ARHGEF10L: variants seen among roughly 807,000 people sequenced by gnomAD.
The protein encoded by ARHGEF10L is Rho guanine nucleotide exchange factor 10 like.
A neutral mutation model predicts 141.2 loss-of-function variants in ARHGEF10L; 69 were observed. The ratio of observed to expected loss-of-function variants is 0.49; its 90% CI spans 0.40 to 0.60. ARHGEF10L has a LOEUF of 0.60. Among genes scored for constraint, ARHGEF10L ranks in the 20% least tolerant of loss-of-function variants. ARHGEF10L has a pLI of 0.00. For synonymous variants in ARHGEF10L, 711 were observed against 718.5 expected, an observed-to-expected ratio of 0.99 and a Z score of 0.17; for missense variants, 1,482 against 1,734.3, an observed-to-expected ratio of 0.85 and a Z score of 2.58.
intron 1 of ARHGEF10L, among the ~76,000 whole-genome samples, chr1:17,544,109 C>T (rs1040411563): frequency 6.6e-6 from 1 of 150,634 alleles, no homozygotes. Flanking sequence ...CCTGCCACCA[C>T]ACCTGGCTAA....
intron 4 of ARHGEF10L, among the ~76,000 whole-genome samples, chr1:17,597,964 G>T (rs1291737309): frequency 1.3e-5 from 2 of 152,194 alleles, no homozygotes; most frequent in African/African-American, 4.8e-5. Context: ...GTGTTCTCTT[G>T]GTTAAACTGC....
chr1:17,529,293 AC>A, the ARHGEF10L span, among the ~76,000 whole-genome samples: 3 of 152,180 alleles, frequency 2.0e-5, no homozygotes, highest in African/African-American at 7.2e-5. Context: ...ACGAGTCACC[AC>A]ATCCGGCCAA....
At chr1:17,682,368 A>G (rs564193906) in intron 26 of ARHGEF10L, among the ~76,000 whole-genome samples, 1 of 152,264 alleles carries the variant, frequency 6.6e-6, no homozygotes, top group East Asian at 1.9e-4. Context: ...AGTGTATCTC[A>G]GTCCCACCAC....
intron 27 of ARHGEF10L, chr1:17,689,800 C>A (rs1315834592): frequency 2.2e-6 from 1 of 455,570 alleles, no homozygotes; most frequent in African/African-American, 2.0e-5. Flanking sequence ...TTTTAAAAAT[C>A]TTTGGAATCT....
chr1:17,619,323 C>T lies in ARHGEF10L; in HGVS notation c.836-16C>T. 3 of 1,611,096 alleles carry T rather than the reference C, an allele frequency of 1.9e-6. No individual in the cohort carries two copies. The highest frequency in any genetic ancestry group is 2.5e-6 in the Non-Finnish European group (3 of 1,178,270). On this transcript the variant is annotated splice_polypyrimidine_tract_variant and intron_variant, in intron 9 of 28. Transcript: ENST00000361221. This position sits in a 1 kb window ranked among gnomAD's most constrained non-coding sequence, Gnocchi z 5.0. ...TCCCTGCCTTAGCTGTGTCATCGGCCCATCTGACTTTCCAGGTGACTCGGA... is the reference window on the plus strand; with the variant it reads ...TCCCTGCCTTAGCTGTGTCATCGGCTCATCTGACTTTCCAGGTGACTCGGA...
At chr1:17,691,209 C>A (rs871089) in intron 27 of ARHGEF10L, 1 of 436,338 alleles carries the variant, frequency 2.3e-6, no homozygotes, top group Non-Finnish European at 4.5e-6. Context: ...TGAACACTGC[C>A]GCATTAAGTC....
the ARHGEF10L span, among the ~76,000 whole-genome samples, chr1:17,520,142 T>A: frequency 6.6e-6 from 1 of 152,210 alleles, no homozygotes. Flanking sequence ...CCAGGCCAGC[T>A]TCCTGGTCCT....
intron 7 of ARHGEF10L, among the ~76,000 whole-genome samples, chr1:17,610,324 G>A (rs1409449611): frequency 6.6e-6 from 1 of 152,232 alleles, no homozygotes; most frequent in Non-Finnish European, 1.5e-5. Flanking sequence ...ACTCACCATG[G>A]CCTGGCCCTG....
rs2270978 is a variant in ARHGEF10L, at chr1:17,696,870, C to G, written c.3330C>G (p.Asn1110Lys). The change falls in exon 29 of 29, where the codon AAC becomes AAG. Residue 1110 changes from asparagine (N) to lysine (K), a missense_variant. By Grantham distance (94) the Asn-to-Lys change is moderately conservative. This residue lies in a region of ARHGEF10L where 858 missense variants were observed against 966.3 expected (regional missense o/e 0.89). Transcript: ENST00000361221. ...CAGGGAAAGGCATGGTCTCACTCAA[C>G]GGGCACTGTGGGCCTGTGGCCTTCC... ...KITGKGMVSLNGHCGPVAFLA... is the reference protein window; with the variant it reads ...KITGKGMVSLKGHCGPVAFLA... 6.4e-7 allele frequency: 1 copy of G among 1,572,562 alleles called. No homozygotes were observed. Among genetic ancestry groups the G allele is most frequent in the African/African-American group, 1.4e-5 (1 of 73,496 alleles).
chr1:17,656,725 A>T lies in ARHGEF10L; in HGVS notation c.2860+17A>T, dbSNP rs760302629. On this transcript the variant is annotated intron_variant, in intron 25 of 28. Coordinates refer to ENST00000361221, the MANE Select transcript of ARHGEF10L (RefSeq NM_018125.4). The surrounding 1 kb of genome is among the most constrained non-coding windows in gnomAD (Gnocchi z 4.9). ...GGACCAGCGGTGAGGACTGGGGGGA[A>T]TGGGGGAAGGGGGGCAGTCCTGGAT... 1.2e-6 allele frequency: 2 copies of T among 1,604,140 alleles called. No individual in the cohort carries two copies. Among genetic ancestry groups the T allele is most frequent in the Admixed American group, 1.7e-5 (1 of 59,746 alleles).
Position 17,626,037 on chromosome 1 carries a change from C to G in ARHGEF10L, c.1399C>G (p.Leu467Val). The G allele has an allele frequency of 6.2e-7, 1 of 1,613,958 alleles. No individual in the cohort carries two copies. Among genetic ancestry groups the G allele is most frequent in the Non-Finnish European group, 8.5e-7 (1 of 1,179,866 alleles). ...CATCCAGAGGTTCCCACAGTTCATA[C>G]TCCTGCTTCAGGTACTGCTCAGGAT... ...KPIQRFPQFI[L>V]LLQDMLKNTP... The change falls in exon 14 of 29, where the codon CTC becomes GTC. Residue 467 changes from leucine (L) to valine (V), a missense_variant. By Grantham distance (32) the Leu-to-Val change is conservative. Coordinates refer to ENST00000361221, the MANE Select transcript of ARHGEF10L (RefSeq NM_018125.4).
chr1:17,598,862 A>G (rs1338906680), intron 4 of ARHGEF10L, among the ~76,000 whole-genome samples: 1 of 152,044 alleles, frequency 6.6e-6, no homozygotes, highest in East Asian at 1.9e-4. Flanking sequence ...GTGAATGTCT[A>G]CATGCAAGTT....
chr1:17,665,494 G>C (rs1410403560), intron 26 of ARHGEF10L, among the ~76,000 whole-genome samples: 1 of 152,162 alleles, frequency 6.6e-6, no homozygotes, highest in Non-Finnish European at 1.5e-5. Context: ...TGAGTCTGGG[G>C]GATGTGGTCC....
At chr1:17,527,443 G>A in the ARHGEF10L span, among the ~76,000 whole-genome samples, 3 of 152,204 alleles carry the variant, frequency 2.0e-5, no homozygotes, top group African/African-American at 7.2e-5. Context: ...TTGAGAGGCT[G>A]GCACGGCTCT....
At chr1:17,685,262 C>T (rs1478828731) in intron 26 of ARHGEF10L, among the ~76,000 whole-genome samples, 1 of 152,228 alleles carries the variant, frequency 6.6e-6, no homozygotes, top group African/African-American at 2.4e-5. Flanking sequence ...GCTCAACCCC[C>T]TCCAGTGGGC....
At chr1:17,626,095 G>C (rs1557861746) in intron 14 of ARHGEF10L, 47 bp downstream of exon 14, 4 of 1,580,884 alleles carry the variant, frequency 2.5e-6, no homozygotes, top group Middle Eastern at 3.3e-4. Context: ...GTTTGCCTGT[G>C]GGCTGGGAGG....
the ARHGEF10L span, among the ~76,000 whole-genome samples, chr1:17,516,702 G>C: frequency 1.2e-4 from 18 of 152,266 alleles, no homozygotes; most frequent in East Asian, 2.7e-3. Flanking sequence ...TCAAGGCTAG[G>C]GGGTGGGAGG....
the ARHGEF10L span, among the ~76,000 whole-genome samples, chr1:17,521,015 T>C: frequency 2.6e-5 from 4 of 152,290 alleles, no homozygotes; most frequent in East Asian, 7.7e-4. Context: ...CTCTCTCCCA[T>C]GCCATCCGGG....
At chr1:17,572,432 G>T (rs1026743876) in intron 1 of ARHGEF10L, among the ~76,000 whole-genome samples, 1 of 152,144 alleles carries the variant, frequency 6.6e-6, no homozygotes, top group African/African-American at 2.4e-5. Flanking sequence ...GTGAGTTCCT[G>T]CCCAGGGCTG....
Sources: allele counts gnomAD v4.1 joint callset (sites outside exome capture counted in the v4.1 genomes callset), GRCh38; gene constraint gnomAD v4.1.1; regional missense constraint gnomAD v4.1.1; non-coding constraint Gnocchi (gnomAD v3.1); transcripts MANE v1.5; gene names NCBI Gene and HGNC (gene_info 2026-07-23, HGNC 2026-07-21).